KIF16B: variants seen among roughly 807,000 people sequenced by gnomAD.
KIF16B encodes kinesin family member 16B, also known as kinesin-like protein KIF16B.
Under a neutral mutation model 156.3 loss-of-function variants are expected in KIF16B, and 98 were observed. That is an observed-to-expected ratio of 0.63 (90% CI 0.53 to 0.74). The LOEUF (loss-of-function observed/expected upper bound fraction) is 0.74. Ranked by LOEUF, KIF16B falls within the 30% of genes least tolerant of loss-of-function variation. The pLI is 0.00. For missense variants in KIF16B, 1,421 were observed against 1,606.5 expected, an observed-to-expected ratio of 0.88 and a Z score of 1.97; for synonymous variants, 564 against 583.7, an observed-to-expected ratio of 0.97 and a Z score of 0.49.
intron 12 of KIF16B, among the ~76,000 whole-genome samples, chr20:16,437,613 G>T (rs2066677434): frequency 6.6e-6 from 1 of 152,108 alleles, no homozygotes; most frequent in Admixed American, 6.5e-5. Context: ...CTCCTCAAGT[G>T]TTTTACTCCT....
At chr20:16,407,417 G>A (rs115723075) in intron 15 of KIF16B, among the ~76,000 whole-genome samples, 1,763 of 152,238 alleles carry the variant, frequency 0.012, 31 homozygotes, top group African/African-American at 0.04. Context: ...AGTCAACCAT[G>A]AAGAATGACA....
intron 12 of KIF16B, among the ~76,000 whole-genome samples, chr20:16,445,879 GTCTC>G (rs1216942048): frequency 6.6e-6 from 1 of 152,026 alleles, no homozygotes; most frequent in Non-Finnish European, 1.5e-5. Flanking sequence ...CATTTTTTGT[GTCTC>G]TCTTTTTTTC....
At chr20:16,498,174 T>A (rs554120432) in intron 10 of KIF16B, among the ~76,000 whole-genome samples, 1 of 152,260 alleles carries the variant, frequency 6.6e-6, no homozygotes, top group African/African-American at 2.4e-5. Context: ...CTTATCCCTG[T>A]CGAAGAAGTG....
chr20:16,373,896 G>A (rs1292929008), intron 20 of KIF16B, among the ~76,000 whole-genome samples: 2 of 152,212 alleles, frequency 1.3e-5, no homozygotes, highest in Non-Finnish European at 2.9e-5. Context: ...AAAATACATG[G>A]AGGGCAACTT....
Position 16,378,897 on chromosome 20 carries a change from T to C in KIF16B, c.3105A>G (p.Lys1035=), listed in dbSNP as rs1311549436. Residue 1035 remains lysine, a synonymous_variant, in exon 19 of 26, where the codon AAA becomes AAG. Transcript: ENST00000354981. The part of the protein sequence containing the change: ...LGMEIEEQRQ[K]LASLNSGSRE... ...TGCTGCCACTGTTCAGACTGGCAAG[T>C]TTCTGCCTCTGCTCTTCAATCTCCA... The C allele has an allele frequency of 6.2e-7, 1 of 1,614,034 alleles. No individual in the cohort carries two copies. The highest frequency in any genetic ancestry group is 8.5e-7 in the Non-Finnish European group (1 of 1,179,952).
rs760344759 is a variant in KIF16B, at chr20:16,356,416, C to T, written c.3535G>A (p.Asp1179Asn). The change falls in exon 23 of 26, where the codon GAC becomes AAC. Residue 1179 changes from aspartate (D) to asparagine (N), a missense_variant. Coordinates refer to ENST00000354981, the MANE Select transcript of KIF16B (RefSeq NM_024704.5). Reference sequence around the variant, plus strand: ...CTAATTTTAATTGGGTCCTTCAGGTCATCTGGATTTGCGCCCAAAGAGCGA... The same window carrying T: ...CTAATTTTAATTGGGTCCTTCAGGTTATCTGGATTTGCGCCCAAAGAGCGA... ...VSRSLGANPD[D>N]LKDPIKISIP... 1.3e-5 allele frequency: 21 copies of T among 1,614,024 alleles called. No homozygotes were observed. The highest frequency in any genetic ancestry group is 1.6e-5 in the Non-Finnish European group (19 of 1,180,006).
chr20:16,369,873 G>A (rs191498267), intron 22 of KIF16B, among the ~76,000 whole-genome samples: 2 of 152,318 alleles, frequency 1.3e-5, no homozygotes, highest in East Asian at 3.9e-4. Context: ...AGAAATGAAA[G>A]CCAGTGTCTT....
Position 16,370,639 on chromosome 20 carries a change from G to A in KIF16B, c.3448-3C>T. Reference sequence around the variant, plus strand: ...CCATTGTGAAGTTTCTCATTATCCTGAAAAGAAAAGAAAAAGCCCTCTATA... The same window carrying A: ...CCATTGTGAAGTTTCTCATTATCCTAAAAAGAAAAGAAAAAGCCCTCTATA... On this transcript the variant is annotated splice_polypyrimidine_tract_variant and splice_region_variant and intron_variant, in intron 21 of 25. Transcript: ENST00000354981. The A allele has an allele frequency of 6.3e-7, 1 of 1,578,896 alleles. No individual in the cohort carries two copies. Among genetic ancestry groups the A allele is most frequent in the Non-Finnish European group, 8.6e-7 (1 of 1,169,450 alleles).
At chr20:16,492,830 C>G (rs1374358332) in intron 12 of KIF16B, among the ~76,000 whole-genome samples, 2 of 151,206 alleles carry the variant, frequency 1.3e-5, no homozygotes, top group Admixed American at 6.6e-5. Context: ...CTTTTTTTTT[C>G]CTTAAGTAAA....
chr20:16,430,962 C>A (rs939944022), intron 12 of KIF16B, among the ~76,000 whole-genome samples: 10 of 123,446 alleles, frequency 8.1e-5, no homozygotes, highest in African/African-American at 4.5e-4. Context: ...ACAAAACAAA[C>A]AAAAAAAACC....
chr20:16,353,085 T>C (rs2064371455), intron 23 of KIF16B, among the ~76,000 whole-genome samples: 1 of 152,252 alleles, frequency 6.6e-6, no homozygotes, highest in Non-Finnish European at 1.5e-5. Flanking sequence ...AATATATCTA[T>C]GTATGTACAT....
At position 16,545,551 on chromosome 20, in the gene KIF16B, A is replaced by C. The variant is rs549248817; in HGVS notation, c.48-17111T>G. On this transcript the variant is annotated intron_variant, in intron 1 of 25. Transcript: ENST00000354981. ...GTGGTGGCAAGCGCCTATAATCTCA[A>C]CTACTCAGGAGGCTGAGGCAGGAGA... is the stretch of plus-strand genomic sequence containing the variant. Among the ~76,000 whole-genome samples, 9 of 152,150 alleles carry C rather than the reference A, an allele frequency of 5.9e-5. No individual in the cohort carries two copies. In the South Asian group the frequency reaches 1.9e-3, roughly 32 times the overall value.
chr20:16,336,333 G>C (rs977445816), intron 23 of KIF16B, among the ~76,000 whole-genome samples: 4 of 151,954 alleles, frequency 2.6e-5, no homozygotes, highest in Admixed American at 1.3e-4. Flanking sequence ...GGTGGAAGAG[G>C]AAAAAAATCT....
chr20:16,512,633 CTG>C (rs2068992727), intron 5 of KIF16B, among the ~76,000 whole-genome samples, 191 bp downstream of exon 5: 3 of 152,206 alleles, frequency 2.0e-5, no homozygotes, highest in Admixed American at 6.5e-5. Flanking sequence ...TTTATCCAAA[CTG>C]TACCCAAGAA....
rs145782095 is a variant in KIF16B at position 16,318,955 on chromosome 20, T to C, written c.3712-6537A>G. On this transcript the variant is annotated intron_variant, in intron 24 of 25. Coordinates refer to ENST00000354981, the MANE Select transcript of KIF16B (RefSeq NM_024704.5). ...GAGAAACTTCAGCCACGTGATCAAGTATCAACAGTGGTAAGACATACTGAT... is the reference window on the plus strand; with the variant it reads ...GAGAAACTTCAGCCACGTGATCAAGCATCAACAGTGGTAAGACATACTGAT... Among the ~76,000 whole-genome samples, 11 of 152,270 alleles carry C rather than the reference T, an allele frequency of 7.2e-5. No individual in the cohort carries two copies. The East Asian group carries it at 2.1e-3, about 29-fold the overall frequency.
intron 25 of KIF16B, among the ~76,000 whole-genome samples, chr20:16,311,259 C>T (rs774785025): frequency 2.0e-5 from 3 of 152,246 alleles, no homozygotes; most frequent in Admixed American, 6.5e-5. Context: ...GAGATGGAGG[C>T]GGGAGGATGG....
At chr20:16,556,486 C>T (rs1316983772) in intron 1 of KIF16B, among the ~76,000 whole-genome samples, 2 of 152,186 alleles carry the variant, frequency 1.3e-5, no homozygotes, top group South Asian at 2.1e-4. Flanking sequence ...ATGCCTCTTG[C>T]GCAAATCACT....
intron 12 of KIF16B, among the ~76,000 whole-genome samples, chr20:16,430,558 C>T (rs2066470071): frequency 6.6e-6 from 1 of 152,152 alleles, no homozygotes; most frequent in African/African-American, 2.4e-5. Context: ...CTTATAGCTA[C>T]CACCAATTTC....
chr20:16,282,088 G>A (rs112635995), intron 25 of KIF16B, among the ~76,000 whole-genome samples: 5,721 of 143,008 alleles, frequency 0.04, 167 homozygotes, highest in Non-Finnish European at 0.062. Context: ...CTGGAGTGCA[G>A]TGGCATGATC....
Sources: gnomAD v4.1 joint callset for allele counts (sites outside exome capture counted in the v4.1 genomes callset) on GRCh38, gnomAD v4.1.1 for gene constraint, MANE v1.5 for transcripts, NCBI Gene and HGNC (gene_info 2026-07-23, HGNC 2026-07-21) for gene names.